PAPPA: variants seen among roughly 807,000 people sequenced by gnomAD.
The protein encoded by PAPPA is pappalysin-1.
In PAPPA, 60 loss-of-function variants were observed where a neutral mutation model predicts 164.0. The observed-to-expected ratio is 0.37, with a 90% CI of 0.30 to 0.45. The LOEUF is 0.45. Among genes scored for constraint, PAPPA ranks in the 20% least tolerant of loss-of-function variants. The probability of loss-of-function intolerance (pLI) is 1.00; values close to 1 mark genes in which losing one functional copy is unlikely to be tolerated. For synonymous variants in PAPPA, 875 were observed against 814.1 expected, an observed-to-expected ratio of 1.07 and a Z score of -1.27; for missense variants, 1,782 against 2,087.3, an observed-to-expected ratio of 0.85 and a Z score of 2.85.
chr9:116,308,586 A>G (rs1845676534), intron 10 of PAPPA, among the ~76,000 whole-genome samples: 1 of 152,234 alleles, frequency 6.6e-6, no homozygotes, highest in Admixed American at 6.5e-5. Flanking sequence ...TAATAGAAAT[A>G]CAGCTACAGG....
At chr9:116,384,695 T>C (rs534946576) in intron 21 of PAPPA, among the ~76,000 whole-genome samples, 3 of 152,300 alleles carry the variant, frequency 2.0e-5, no homozygotes, top group Non-Finnish European at 4.4e-5. Flanking sequence ...ATTCTTACAA[T>C]TGGAATGCCA....
intron 8 of PAPPA, among the ~76,000 whole-genome samples, chr9:116,267,852 G>A (rs1018712657): frequency 1.5e-5 from 2 of 135,982 alleles, no homozygotes; most frequent in Non-Finnish European, 3.0e-5. Flanking sequence ...TCTGCAGTCC[G>A]GCCTGGGCGA....
rs12375498 is a variant in PAPPA at position 116,187,719 on chromosome 9, C to T, written c.981C>T (p.Cys327=). The T allele has an allele frequency of 0.22, 360,969 of 1,614,058 alleles. 43,292 individuals are homozygous for T. The highest frequency in any genetic ancestry group is 0.25 in the Non-Finnish European group (297,040 of 1,179,924). The change falls in exon 2 of 22, where the codon TGC becomes TGT. Residue 327 remains cysteine, a synonymous_variant. Coordinates refer to ENST00000328252, the MANE Select transcript of PAPPA (RefSeq NM_002581.5). This position sits in a 1 kb window ranked among gnomAD's most constrained non-coding sequence, Gnocchi z 4.2. ...LLDTSLEPPL[C]GQTLCDNTEV... ...ACACGAGTCTGGAGCCTCCTCTGTG[C>T]GGACAGACATTGTGTGACAACACAG...
chr9:116,348,931 C>G (rs1010740406), intron 15 of PAPPA, among the ~76,000 whole-genome samples: 1 of 152,098 alleles, frequency 6.6e-6, no homozygotes, highest in Non-Finnish European at 1.5e-5. Context: ...GATTCCATGT[C>G]TTTACTATTG....
At chr9:116,211,556 C>G (rs1844307216) in intron 3 of PAPPA, 83 bp from the exon 4 acceptor site, 7 of 1,284,870 alleles carry the variant, frequency 5.4e-6, no homozygotes, top group Non-Finnish European at 7.8e-6. Context: ...GGCAGCATCT[C>G]TTTATCCTTG....
chr9:116,228,754 C>G (rs557577750), intron 6 of PAPPA, among the ~76,000 whole-genome samples: 7 of 152,254 alleles, frequency 4.6e-5, no homozygotes, highest in South Asian at 2.1e-4. Context: ...CCGGGCTCCC[C>G]CCAAGTGCAG....
At chr9:116,183,617 C>A (rs986172699) in intron 1 of PAPPA, among the ~76,000 whole-genome samples, 3 of 152,164 alleles carry the variant, frequency 2.0e-5, no homozygotes, top group Non-Finnish European at 2.9e-5. Context: ...ACACCCCCAA[C>A]CTTATTGAAG....
At chr9:116,162,558 T>C (rs1843680715) in intron 1 of PAPPA, among the ~76,000 whole-genome samples, 1 of 152,194 alleles carries the variant, frequency 6.6e-6, no homozygotes, top group Non-Finnish European at 1.5e-5. Context: ...CTGCTGGTTG[T>C]GTGACCTTGG....
At chr9:116,220,848 G>T (rs184858833) in intron 5 of PAPPA, among the ~76,000 whole-genome samples, 3 of 151,334 alleles carry the variant, frequency 2.0e-5, no homozygotes, top group Admixed American at 6.6e-5. Context: ...TGGCACCACC[G>T]CATCTCAGCC....
chr9:116,305,471 TCACA>T (rs56326167), intron 10 of PAPPA, among the ~76,000 whole-genome samples: 21 of 142,090 alleles, frequency 1.5e-4, no homozygotes, highest in South Asian at 4.6e-4. Flanking sequence ...TCTCTCTCTC[TCACA>T]CACACACACA....
rs377190159 is a variant in PAPPA, at chr9:116,334,963, G to C, written c.3500G>C (p.Ser1167Thr). 2 of 1,613,462 alleles carry C rather than the reference G, an allele frequency of 1.2e-6. No homozygotes were observed. The highest frequency in any genetic ancestry group is 1.7e-6 in the Non-Finnish European group (2 of 1,179,962). The change falls in exon 13 of 22, where the codon AGT (serine) becomes ACT (threonine). Residue 1167 changes from serine to threonine, a missense_variant. By Grantham distance (58) the Ser-to-Thr change is moderately conservative. Coordinates refer to ENST00000328252, the MANE Select transcript of PAPPA (RefSeq NM_002581.5). ...AGCCAGGCGGTACGTGTGAGCTTCA[G>C]TTCGCCCCTGGTCGCCATCTCGGGG... ...YHSQAVRVSF[S>T]SPLVAISGVA...
At chr9:116,255,629 G>C (rs1045608454) in intron 7 of PAPPA, among the ~76,000 whole-genome samples, 1 of 151,956 alleles carries the variant, frequency 6.6e-6, no homozygotes, top group Non-Finnish European at 1.5e-5. Flanking sequence ...AGAGCCATCA[G>C]TTTTGGCAAT....
chr9:116,307,523 C>T (rs1845661914), intron 10 of PAPPA, among the ~76,000 whole-genome samples: 2 of 152,054 alleles, frequency 1.3e-5, no homozygotes, highest in Non-Finnish European at 2.9e-5. Flanking sequence ...TCGCTTGAAC[C>T]CGGTTCAAGC....
chr9:116,265,795 C>T, intron 7 of PAPPA, 62 bp from the exon 8 acceptor site: 4 of 1,398,548 alleles, frequency 2.9e-6, no homozygotes, highest in Non-Finnish European at 3.9e-6. Context: ...ATCAATTTTC[C>T]ATTCTCTCTT....
chr9:116,317,159 G>A (rs536005946), intron 10 of PAPPA, among the ~76,000 whole-genome samples: 1 of 152,322 alleles, frequency 6.6e-6, no homozygotes, highest in South Asian at 2.1e-4. Context: ...ATGAACTTGA[G>A]AAAGTCTTGT....
At chr9:116,239,485 T>C (rs1239422373) in intron 7 of PAPPA, among the ~76,000 whole-genome samples, 1 of 152,126 alleles carries the variant, frequency 6.6e-6, no homozygotes, top group Non-Finnish European at 1.5e-5. Context: ...CATACTTTTT[T>C]GTAGTAAAAG....
chr9:116,157,386 A>T (rs1843616529), intron 1 of PAPPA, among the ~76,000 whole-genome samples: 1 of 152,160 alleles, frequency 6.6e-6, no homozygotes, highest in African/African-American at 2.4e-5. Context: ...AAAGGAGAAA[A>T]ATATATATAC....
chr9:116,400,755 A>C lies in PAPPA; in HGVS notation c.*4139A>C, dbSNP rs1032836679. 2.0e-5 allele frequency: 3 copies of C among 152,398 alleles called. No homozygotes were observed. The highest frequency in any genetic ancestry group is 4.4e-5 in the Non-Finnish European group (3 of 68,034). The allele number at this position is 152,398 out of a possible 1,614,324, so 9.4% of individuals were successfully genotyped here. ...CTTATTCAACTTTTGCCAAATTCCTACCAATCACTTGCTTTTTAAAAGAAA... is the reference window on the plus strand; with the variant it reads ...CTTATTCAACTTTTGCCAAATTCCTCCCAATCACTTGCTTTTTAAAAGAAA... On this transcript the variant is annotated 3_prime_UTR_variant, in exon 22 of 22. Coordinates refer to ENST00000328252, the MANE Select transcript of PAPPA (RefSeq NM_002581.5).
intron 9 of PAPPA, among the ~76,000 whole-genome samples, chr9:116,276,042 C>CT (rs1197706809): frequency 6.6e-6 from 1 of 152,126 alleles, no homozygotes; most frequent in Non-Finnish European, 1.5e-5. Context: ...GTTATCTTGT[C>CT]TTTTTTTCCC....
Sources: allele counts gnomAD v4.1 joint callset (sites outside exome capture counted in the v4.1 genomes callset), GRCh38; gene constraint gnomAD v4.1.1; non-coding constraint Gnocchi (gnomAD v3.1); transcripts MANE v1.5; gene names NCBI Gene and HGNC (gene_info 2026-07-23, HGNC 2026-07-21).